ARHGAP24: variants seen among roughly 807,000 people sequenced by gnomAD.
ARHGAP24 encodes the protein rho GTPase-activating protein 24.
ARHGAP24 carries 50 observed loss-of-function variants against 76.4 expected under a neutral mutation model. The observed-to-expected ratio is 0.65, with a 90% CI of 0.52 to 0.83. The LOEUF is 0.83. Ranked by LOEUF, ARHGAP24 falls within the 40% of genes least tolerant of loss-of-function variation. The pLI is 0.00. For synonymous variants in ARHGAP24, 345 were observed against 323.3 expected, an observed-to-expected ratio of 1.07 and a Z score of -0.72; for missense variants, 930 against 914.2, an observed-to-expected ratio of 1.02 and a Z score of -0.22.
chr4:85,858,108 A>G (rs1195172439), intron 3 of ARHGAP24, among the ~76,000 whole-genome samples: 1 of 152,196 alleles, frequency 6.6e-6, no homozygotes, highest in Non-Finnish European at 1.5e-5. Flanking sequence ...AATAAATACA[A>G]TGGACATAGG....
rs1360804963 is a variant in ARHGAP24, at chr4:85,972,070, A to C, written c.634A>C (p.Lys212Gln). 1 of 1,613,860 alleles carries C rather than the reference A, an allele frequency of 6.2e-7. No individual in the cohort carries two copies. Among genetic ancestry groups the C allele is most frequent in the Non-Finnish European group, 8.5e-7 (1 of 1,179,966 alleles). ...TGTACACACGGTGGCATCACTTCTTAAGCTGTACCTCCGAGAACTTCCAGA... is the reference window on the plus strand; with the variant it reads ...TGTACACACGGTGGCATCACTTCTTCAGCTGTACCTCCGAGAACTTCCAGA... ...TDVHTVASLL[K>Q]LYLRELPEPV... The change falls in exon 6 of 10, where the codon AAG (lysine) becomes CAG (glutamine). Residue 212 changes from lysine (K) to glutamine (Q), a missense_variant. Lys to Gln is a moderately conservative substitution (Grantham distance 53). Transcript: ENST00000395184.
At chr4:85,587,679 A>G (rs1359076080) in intron 2 of ARHGAP24, among the ~76,000 whole-genome samples, 1 of 152,188 alleles carries the variant, frequency 6.6e-6, no homozygotes, top group Non-Finnish European at 1.5e-5. Flanking sequence ...TAATAAATGA[A>G]ATAAGTGCAG....
At chr4:85,476,394 G>A (rs1352316826) in intron 1 of ARHGAP24, among the ~76,000 whole-genome samples, 1 of 151,998 alleles carries the variant, frequency 6.6e-6, no homozygotes, top group Non-Finnish European at 1.5e-5. Flanking sequence ...ATTTCTCCAA[G>A]TAATTTCTGT....
chr4:85,631,559 A>G (rs1380780639), intron 2 of ARHGAP24, among the ~76,000 whole-genome samples: 4 of 152,148 alleles, frequency 2.6e-5, no homozygotes, highest in African/African-American at 9.6e-5. Context: ...AGAATGTATA[A>G]GACTTACAAA....
intron 2 of ARHGAP24, 83 bp from the exon 3 acceptor site, chr4:85,721,801 AC>A: frequency 3.3e-6 from 4 of 1,194,578 alleles, no homozygotes; most frequent in Non-Finnish European, 5.0e-6. Flanking sequence ...TTATAGCTAC[AC>A]CTTGGATATT....
intron 3 of ARHGAP24, among the ~76,000 whole-genome samples, chr4:85,833,210 A>G (rs1174666460): frequency 6.6e-6 from 1 of 152,130 alleles, no homozygotes; most frequent in Non-Finnish European, 1.5e-5. Flanking sequence ...CTGATCTCTG[A>G]CTTCCATTGA....
At chr4:85,890,868 G>A (rs972183991) in intron 3 of ARHGAP24, among the ~76,000 whole-genome samples, 2 of 152,152 alleles carry the variant, frequency 1.3e-5, no homozygotes, top group South Asian at 2.1e-4. Context: ...ATCCATTAAG[G>A]TGGGGACCTT....
chr4:85,922,288 G>A (rs1368557170), intron 3 of ARHGAP24, among the ~76,000 whole-genome samples: 1 of 152,174 alleles, frequency 6.6e-6, no homozygotes, highest in Non-Finnish European at 1.5e-5. Flanking sequence ...TCAACCTAGA[G>A]CATTCATATA....
intron 1 of ARHGAP24, among the ~76,000 whole-genome samples, chr4:85,554,837 A>AT (rs61380938): frequency 2.9e-4 from 43 of 146,220 alleles, no homozygotes; most frequent in African/African-American, 1.0e-3. Flanking sequence ...CGCCCAGCTG[A>AT]TTTTTTTTTT....
At position 85,974,848 on chromosome 4, in the gene ARHGAP24, C is replaced by T. The variant is rs376689835; in HGVS notation, c.733-40C>T. On this transcript the variant is annotated intron_variant, in intron 6 of 9. Transcript: ENST00000395184. ...CGACTTGCTTTAATTCTAAGGCCAA[C>T]GTGTAGAAAAATAATATTTATTTTC... is the stretch of plus-strand genomic sequence containing the variant. 118 of 1,583,654 alleles carry T rather than the reference C, an allele frequency of 7.5e-5. No homozygotes were observed. In the African/African-American group the frequency reaches 1.3e-3, roughly 18 times the overall value.
rs116375229 is a variant in ARHGAP24, at chr4:85,725,526, C to T, written c.268+3554C>T. 3.7e-3 allele frequency among the ~76,000 whole-genome samples: 558 copies of T among 152,286 alleles called. 4 individuals carry two copies. Among genetic ancestry groups the T allele is most frequent in the African/African-American group, 0.013 (520 of 41,554 alleles). On this transcript the variant is annotated intron_variant, in intron 3 of 9. Transcript: ENST00000395184. Reference sequence around the variant, plus strand: ...CCTTTCTGATGATGAGACCAAGAGACGGATGGAAGAAGGTAGAGATCTTCC... The same window carrying T: ...CCTTTCTGATGATGAGACCAAGAGATGGATGGAAGAAGGTAGAGATCTTCC...
Position 85,881,614 on chromosome 4 carries a change from C to T in ARHGAP24, c.269-42034C>T, listed in dbSNP as rs185827570. On this transcript the variant is annotated intron_variant, in intron 3 of 9. Coordinates refer to ENST00000395184, the MANE Select transcript of ARHGAP24 (RefSeq NM_001025616.3). ...AAGTTAGCGATGCTTGTCATGCTTTCAAATTGTGAAGCATATTTTTGTTAT... is the reference window on the plus strand; with the variant it reads ...AAGTTAGCGATGCTTGTCATGCTTTTAAATTGTGAAGCATATTTTTGTTAT... 1.6e-3 allele frequency among the ~76,000 whole-genome samples: 221 copies of T among 140,614 alleles called. 1 individual carries two copies. Among genetic ancestry groups the T allele is most frequent in the African/African-American group, 5.7e-3 (214 of 37,608 alleles). The allele number at this position is 140,614 out of a possible 152,430, so 92.2% of individuals were successfully genotyped here. A position where few individuals can be genotyped will look rare whatever the true frequency, so the allele number is the denominator to read the frequency against.
At position 85,722,507 on chromosome 4, in the gene ARHGAP24, T is replaced by A. The variant is rs530727050; in HGVS notation, c.268+535T>A. The A allele has an allele frequency of 2.6e-4, 41 of 159,706 alleles. 1 individual carries two copies. Among genetic ancestry groups the A allele is most frequent in the African/African-American group, 9.4e-4 (39 of 41,658 alleles). The allele number at this position is 159,706 out of a possible 1,614,324, so 9.9% of individuals were successfully genotyped here. Reference sequence around the variant, plus strand: ...TTGCTCCCAACCAACCACTTCCACATGTTTTGCTGGTAGAGCTGAGGACAG... The same window carrying A: ...TTGCTCCCAACCAACCACTTCCACAAGTTTTGCTGGTAGAGCTGAGGACAG... On this transcript the variant is annotated intron_variant, in intron 3 of 9. Coordinates refer to ENST00000395184, the MANE Select transcript of ARHGAP24 (RefSeq NM_001025616.3).
intron 3 of ARHGAP24, among the ~76,000 whole-genome samples, chr4:85,769,288 GC>G (rs746944704): frequency 6.6e-6 from 1 of 152,120 alleles, no homozygotes; most frequent in Non-Finnish European, 1.5e-5. Context: ...TAGTCATTTT[GC>G]CAAGCATCTT....
chr4:85,815,707 A>T (rs756795177), intron 3 of ARHGAP24, among the ~76,000 whole-genome samples: 18 of 151,910 alleles, frequency 1.2e-4, no homozygotes, highest in Non-Finnish European at 2.4e-4. Context: ...AGCCCTCCAA[A>T]CTGTTCCAGC....
chr4:85,523,677 A>G (rs1476158953), intron 1 of ARHGAP24, among the ~76,000 whole-genome samples: 1 of 152,192 alleles, frequency 6.6e-6, no homozygotes, highest in Non-Finnish European at 1.5e-5. Flanking sequence ...GCATGTTTAC[A>G]GGAACATGTT....
chr4:85,899,154 G>A (rs1734356192), intron 3 of ARHGAP24, among the ~76,000 whole-genome samples: 1 of 152,164 alleles, frequency 6.6e-6, no homozygotes, highest in Non-Finnish European at 1.5e-5. Context: ...AATGAGTAAT[G>A]TCTTCAAGGT....
At chr4:85,572,423 A>G (rs768846635) in intron 2 of ARHGAP24, among the ~76,000 whole-genome samples, 6 of 152,178 alleles carry the variant, frequency 3.9e-5, no homozygotes, top group Non-Finnish European at 5.9e-5. Flanking sequence ...ATTCATGTGC[A>G]CATTCTCTGA....
intron 2 of ARHGAP24, among the ~76,000 whole-genome samples, chr4:85,719,806 A>G (rs1724861074): frequency 6.6e-6 from 1 of 152,192 alleles, no homozygotes; most frequent in African/African-American, 2.4e-5. Context: ...CTTACAAATA[A>G]CATAACTACA....
Sources: allele counts gnomAD v4.1 joint callset (sites outside exome capture counted in the v4.1 genomes callset), GRCh38; gene constraint gnomAD v4.1.1; transcripts MANE v1.5; gene names NCBI Gene and HGNC (gene_info 2026-07-23, HGNC 2026-07-21).